Variants in PSG8 observed in about 807,000 individuals in gnomAD.
The protein encoded by PSG8 is pregnancy-specific beta-1-glycoprotein 8.
PSG8 carries 57 observed loss-of-function variants against 42.5 expected under a neutral mutation model. The ratio of observed to expected loss-of-function variants is 1.34; its 90% CI spans 1.08 to 1.67. The LOEUF is 1.67. Ranked by LOEUF, PSG8 falls within the 40% of genes most tolerant of loss-of-function variation. The pLI, the probability that PSG8 is intolerant of heterozygous loss-of-function variation, is 0.00. For synonymous variants in PSG8, 280 were observed against 196.8 expected, an observed-to-expected ratio of 1.42 and a Z score of -3.54; for missense variants, 783 against 518.6, an observed-to-expected ratio of 1.51 and a Z score of -4.95.
chr19:42,763,806 A>G (rs1970136891), intron 2 of PSG8, 110 bp downstream of exon 2: 1 of 1,578,174 alleles, frequency 6.3e-7, no homozygotes, highest in South Asian at 1.1e-5. Flanking sequence ...CCAGCATGGG[A>G]CATAATGCAG....
At chr19:42,753,054 T>C (rs1731096412), downstream of PSG8, 2 of 579,446 alleles carry the variant, frequency 3.5e-6, no homozygotes, top group Non-Finnish European at 6.2e-6. Context: ...GAGGCAGGCA[T>C]GAGCAAGGAC....
rs747483891 is a variant in PSG8 at position 42,763,897 on chromosome 19, A to T, written c.430+19T>A. The stretch of plus-strand genomic sequence containing the variant: ...GACCCCTGTCCCCCAACACCCAGGG[A>T]TCATGTGGAATCACTCACGATATAA... On this transcript the variant is annotated intron_variant, in intron 2 of 4. Coordinates refer to ENST00000306511, the MANE Select transcript of PSG8 (RefSeq NM_182707.3). The T allele has an allele frequency of 1.9e-6, 3 of 1,613,576 alleles. No individual in the cohort carries two copies. The highest frequency in any genetic ancestry group is 4.5e-5 in the East Asian group (2 of 44,866).
chr19:42,764,011 A>G lies in PSG8; in HGVS notation c.335T>C (p.Val112Ala). The G allele has an allele frequency of 6.2e-7, 1 of 1,613,020 alleles. No homozygotes were observed. Among genetic ancestry groups the G allele is most frequent in the Non-Finnish European group, 8.5e-7 (1 of 1,179,580 alleles). ...GTAGGATCCTGCGTCTTCCTGGGTG[A>G]CATTCTGGATCAGCAGGGATGCATT... ...YSNASLLIQN[V>A]TQEDAGSYTL... The change falls in exon 2 of 5, where the codon GTC becomes GCC. Residue 112 changes from valine to alanine, a missense_variant. Val to Ala is a moderately conservative substitution (Grantham distance 64, BLOSUM62 0). Coordinates refer to ENST00000306511, the MANE Select transcript of PSG8 (RefSeq NM_182707.3).
rs1970043536 is a variant in PSG8 at position 42,760,393 on chromosome 19, A to G, written c.431-2113T>C. ...AGTTGTCCCACAGCTACAAAATTTA[A>G]AAATTGCTATTGTCAAAACAAAATA... On this transcript the variant is annotated intron_variant, in intron 2 of 4. Coordinates refer to ENST00000306511, the MANE Select transcript of PSG8 (RefSeq NM_182707.3). 2.0e-5 allele frequency among the ~76,000 whole-genome samples: 3 copies of G among 152,180 alleles called. No homozygotes were observed. The South Asian group carries it at 6.2e-4, about 32-fold the overall frequency.
At chr19:42,761,998 A>G (rs1435366122) in intron 2 of PSG8, among the ~76,000 whole-genome samples, 1 of 151,888 alleles carries the variant, frequency 6.6e-6, no homozygotes, top group Non-Finnish European at 1.5e-5. Flanking sequence ...TCTCTTAGTG[A>G]CCTGGGGACA....
chr19:42,765,546 G>T lies in PSG8; in HGVS notation c.36C>A (p.Arg12=). ...GLLSAPPCTQ[R]ITWKGLLLTA... ...TGAGCAGGAGCCCCTTCCAGGTGATGCGCTGTGTGCAGGGAGGGGCTGAGA... is the reference window on the plus strand; with the variant it reads ...TGAGCAGGAGCCCCTTCCAGGTGATTCGCTGTGTGCAGGGAGGGGCTGAGA... Residue 12 remains arginine, a synonymous_variant, in exon 1 of 5, where the codon CGC becomes CGA. Coordinates refer to ENST00000306511, the MANE Select transcript of PSG8 (RefSeq NM_182707.3). 3.1e-6 allele frequency: 5 copies of T among 1,611,472 alleles called. No individual in the cohort carries two copies. The highest frequency in any genetic ancestry group is 4.2e-6 in the Non-Finnish European group (5 of 1,178,302).
intron 1 of PSG8, 141 bp from the exon 2 acceptor site, chr19:42,764,422 A>C: frequency 2.8e-6 from 4 of 1,406,674 alleles, no homozygotes; most frequent in Non-Finnish European, 3.8e-6. Context: ...ACGCACACAC[A>C]CACACAAAAG....
chr19:42,755,918 C>T (rs1052786383), intron 3 of PSG8: 2 of 156,110 alleles, frequency 1.3e-5, no homozygotes, highest in Admixed American at 1.2e-4. Flanking sequence ...AAAGATAGAG[C>T]AGAGTGCAAG....
At position 42,754,579 on chromosome 19, in the gene PSG8, C is replaced by G. The variant is rs772767775; in HGVS notation, c.997G>C (p.Asp333His). ...AATGAAGGGTAAATTCTGGGGAGGT[C>G]TGGACCATCTGGAGCAAAGAGAATA... ...PVTLNVLYGPDLPRIYPSFTY... is the reference protein window; with the variant it reads ...PVTLNVLYGPHLPRIYPSFTY... Residue 333 changes from aspartate (D) to histidine (H), a missense_variant, in exon 5 of 5, where the codon GAC becomes CAC. Coordinates refer to ENST00000306511, the MANE Select transcript of PSG8 (RefSeq NM_182707.3). 7.4e-6 allele frequency: 12 copies of G among 1,611,722 alleles called. No homozygotes were observed. Among genetic ancestry groups the G allele is most frequent in the Non-Finnish European group, 1.0e-5 (12 of 1,178,402 alleles).
chr19:42,753,614 A>C (rs942392557), downstream of PSG8, among the ~76,000 whole-genome samples: 7 of 152,148 alleles, frequency 4.6e-5, no homozygotes, highest in African/African-American at 1.2e-4. Context: ...TCTCTTTTAA[A>C]ATTTTCTTTT....
chr19:42,762,616 G>T (rs1970106028), intron 2 of PSG8, among the ~76,000 whole-genome samples: 1 of 151,906 alleles, frequency 6.6e-6, no homozygotes. Flanking sequence ...AGTGGGGAAA[G>T]AAAAGGTCCT....
At chr19:42,758,361 T>C (rs1969986922) in intron 2 of PSG8, 81 bp from the exon 3 acceptor site, 2 of 1,556,876 alleles carry the variant, frequency 1.3e-6, no homozygotes, top group Non-Finnish European at 8.7e-7. Context: ...GAGTTGGCAT[T>C]TCCCACCTCT....
chr19:42,753,620 C>A (rs1370847626), downstream of PSG8, among the ~76,000 whole-genome samples: 6 of 152,138 alleles, frequency 3.9e-5, no homozygotes, highest in East Asian at 5.8e-4. Flanking sequence ...TTAAAATTTT[C>A]TTTTCTCTAA....
chr19:42,759,849 G>T (rs1025067618), intron 2 of PSG8, among the ~76,000 whole-genome samples: 2 of 152,154 alleles, frequency 1.3e-5, no homozygotes, highest in Admixed American at 1.3e-4. Context: ...AGGTTTAGGT[G>T]TGCCATGAAT....
At chr19:42,754,914 A>T in intron 4 of PSG8, 74 bp downstream of exon 4, 3 of 1,571,136 alleles carry the variant, frequency 1.9e-6, no homozygotes, top group Non-Finnish European at 1.7e-6. Flanking sequence ...CCAGAGAGAG[A>T]GTGAGAGGCC....
chr19:42,757,889 G>A (rs1381648860), intron 3 of PSG8, 113 bp downstream of exon 3: 14 of 1,609,858 alleles, frequency 8.7e-6, no homozygotes, highest in East Asian at 6.7e-5. Context: ...CAGGTTTGAT[G>A]TCCAGGGGTA....
chr19:42,760,215 C>T (rs773329216), intron 2 of PSG8, among the ~76,000 whole-genome samples: 12 of 152,212 alleles, frequency 7.9e-5, no homozygotes, highest in East Asian at 1.9e-4. Context: ...TCTCCCCACA[C>T]GCAGAACTCC....
chr19:42,753,242 T>A, downstream of PSG8: 1 of 777,882 alleles, frequency 1.3e-6, no homozygotes, highest in South Asian at 1.3e-5. Flanking sequence ...GTACAAGGGT[T>A]TTCCCATGAA....
In PSG8 at chr19:42,755,312, T is replaced by C. The variant is rs765048854; in HGVS notation, c.710-46A>G. On this transcript the variant is annotated intron_variant, in intron 3 of 4. Coordinates refer to ENST00000306511, the MANE Select transcript of PSG8 (RefSeq NM_182707.3). The stretch of plus-strand genomic sequence containing the variant: ...AGATTGTCCTGTGTGGCACCTTTGA[T>C]TCCTCCACAGGCATCCTTCAATCAG... 20 of 1,590,712 alleles carry C rather than the reference T, an allele frequency of 1.3e-5. 1 individual carries two copies. Among genetic ancestry groups the C allele is most frequent in the Middle Eastern group, 2.2e-4 (1 of 4,634 alleles).
Sources: allele counts gnomAD v4.1 joint callset (sites outside exome capture counted in the v4.1 genomes callset), GRCh38; gene constraint gnomAD v4.1.1; transcripts MANE v1.5; gene names NCBI Gene and HGNC (gene_info 2026-07-23, HGNC 2026-07-21).